ANK2: variants seen among roughly 807,000 people sequenced by gnomAD.
ANK2 encodes the protein ankyrin-2.
In ANK2, 83 loss-of-function variants were observed where a neutral mutation model predicts 360.5. The observed-to-expected ratio is 0.23, with a 90% CI of 0.19 to 0.28. The LOEUF (loss-of-function observed/expected upper bound fraction) is 0.28. Ranked by LOEUF, ANK2 falls within the 10% of genes least tolerant of loss-of-function variation. The probability of loss-of-function intolerance (pLI) is 1.00; values close to 1 mark genes in which losing one functional copy is unlikely to be tolerated. For synonymous variants in ANK2, 1,740 were observed against 1,759.5 expected (o/e 0.99, Z 0.28); for missense variants, 4,201 against 4,795.7 (o/e 0.88, Z 3.66).
At chr4:112,712,559 C>T in the ANK2 span, among the ~76,000 whole-genome samples, 1 of 151,562 alleles carries the variant, frequency 6.6e-6, no homozygotes, top group Non-Finnish European at 1.5e-5. Context: ...AGGCGCCTGC[C>T]ACCATGCCCA....
chr4:112,871,718 A>T (rs1451466438), intron 1 of ANK2, among the ~76,000 whole-genome samples: 1 of 152,132 alleles, frequency 6.6e-6, no homozygotes, highest in Non-Finnish European at 1.5e-5. Context: ...ATTAAGTATG[A>T]TGTTAGTTGT....
chr4:113,340,726 A>AC (rs1386506744), intron 32 of ANK2, among the ~76,000 whole-genome samples: 3 of 139,994 alleles, frequency 2.1e-5, no homozygotes, highest in Admixed American at 6.8e-5. Context: ...AAACAAACAA[A>AC]AAACAAACAA....
At chr4:113,114,246 C>T (rs181313802) in intron 1 of ANK2, among the ~76,000 whole-genome samples, 1 of 152,220 alleles carries the variant, frequency 6.6e-6, no homozygotes, top group Non-Finnish European at 1.5e-5. Flanking sequence ...CCCTTGAGAG[C>T]CATCCCAAGG....
intron 2 of ANK2, among the ~76,000 whole-genome samples, chr4:112,946,927 T>G (rs2094578220): frequency 6.6e-6 from 1 of 152,242 alleles, no homozygotes; most frequent in Non-Finnish European, 1.5e-5. Context: ...AATTATTCTT[T>G]TAAGTTGAAG....
chr4:113,057,702 A>G (rs1487691921), intron 1 of ANK2, among the ~76,000 whole-genome samples: 1 of 152,116 alleles, frequency 6.6e-6, no homozygotes, highest in East Asian at 1.9e-4. Context: ...TCCAATAAGT[A>G]AGCCTCCAAA....
At chr4:113,257,883 A>G (rs887230567) in intron 11 of ANK2, among the ~76,000 whole-genome samples, 167 bp from the exon 12 acceptor site, 9 of 152,236 alleles carry the variant, frequency 5.9e-5, no homozygotes, top group African/African-American at 1.9e-4. Flanking sequence ...TTCAGTGCCT[A>G]CAGGAACACA....
At chr4:113,175,500 C>T (rs191150474) in intron 2 of ANK2, among the ~76,000 whole-genome samples, 1 of 152,170 alleles carries the variant, frequency 6.6e-6, no homozygotes, top group African/African-American at 2.4e-5. Context: ...GCCCAGCACT[C>T]CTCTCTTTGT....
At chr4:113,075,720 A>C (rs943173579) in intron 1 of ANK2, among the ~76,000 whole-genome samples, 3 of 152,240 alleles carry the variant, frequency 2.0e-5, no homozygotes, top group East Asian at 1.9e-4. Context: ...AAGTGGCAGA[A>C]TATTTTATGG....
At chr4:112,851,533 A>G (rs1017272779) in intron 1 of ANK2, among the ~76,000 whole-genome samples, 13 of 151,996 alleles carry the variant, frequency 8.6e-5, no homozygotes, top group African/African-American at 2.7e-4. Flanking sequence ...TTTCTTCTCC[A>G]CTTGCTAGGT....
intron 2 of ANK2, among the ~76,000 whole-genome samples, chr4:113,190,618 T>A (rs2098645197): frequency 6.6e-6 from 1 of 152,094 alleles, no homozygotes. Context: ...AAAATAGGAT[T>A]ATGATGCAGA....
chr4:113,081,354 TCTAA>T (rs1230645096), intron 1 of ANK2, among the ~76,000 whole-genome samples: 3 of 152,210 alleles, frequency 2.0e-5, no homozygotes, highest in East Asian at 1.9e-4. Context: ...TTCATTCCAG[TCTAA>T]CTGTCTTTGA....
intron 2 of ANK2, among the ~76,000 whole-genome samples, chr4:113,015,298 A>G (rs909377882): frequency 6.6e-6 from 1 of 152,238 alleles, no homozygotes; most frequent in African/African-American, 2.4e-5. Context: ...AAGATATAAT[A>G]ATACCTAATC....
chr4:112,942,217 A>T (rs187673951), intron 2 of ANK2, among the ~76,000 whole-genome samples: 113 of 152,158 alleles, frequency 7.4e-4, no homozygotes, highest in African/African-American at 2.2e-3. Flanking sequence ...GCACAAACTG[A>T]TACTGCAATT....
chr4:113,212,965 T>C (rs1181195721), intron 4 of ANK2, among the ~76,000 whole-genome samples: 1 of 152,206 alleles, frequency 6.6e-6, no homozygotes, highest in Non-Finnish European at 1.5e-5. Flanking sequence ...TATATGAAAT[T>C]GCATTCACCT....
At chr4:113,156,715 T>C (rs2097311869) in intron 1 of ANK2, among the ~76,000 whole-genome samples, 2 of 151,878 alleles carry the variant, frequency 1.3e-5, no homozygotes, top group South Asian at 4.1e-4. Context: ...AGTGTTAAGT[T>C]TGACTAATGG....
chr4:112,885,614 G>T (rs755501078), intron 1 of ANK2, among the ~76,000 whole-genome samples: 22 of 151,276 alleles, frequency 1.5e-4, no homozygotes, highest in Non-Finnish European at 2.5e-4. Flanking sequence ...GGCTAACATG[G>T]TGAAACCCCG....
chr4:113,230,121 C>T (rs2099274005), intron 4 of ANK2, among the ~76,000 whole-genome samples: 1 of 152,062 alleles, frequency 6.6e-6, no homozygotes, highest in Non-Finnish European at 1.5e-5. Context: ...AATATGCTAT[C>T]CAGCTAGCAA....
intron 1 of ANK2, among the ~76,000 whole-genome samples, chr4:113,131,789 A>G (rs773811004): frequency 4.6e-5 from 7 of 152,240 alleles, no homozygotes; most frequent in Non-Finnish European, 8.8e-5. Flanking sequence ...GTAGATTTAA[A>G]TAGGATCTTT....
At chr4:112,821,745 T>C (rs2057106595) in intron 1 of ANK2, among the ~76,000 whole-genome samples, 1 of 150,780 alleles carries the variant, frequency 6.6e-6, no homozygotes, top group Non-Finnish European at 1.5e-5. Flanking sequence ...AGCTTCATTC[T>C]ATTTGGGTGG....
Sources: gnomAD v4.1 joint callset for allele counts (sites outside exome capture counted in the v4.1 genomes callset) on GRCh38, gnomAD v4.1.1 for gene constraint, MANE v1.5 for transcripts, NCBI Gene and HGNC (gene_info 2026-07-23, HGNC 2026-07-21) for gene names.